SUMF1: variants seen among roughly 807,000 people sequenced by gnomAD.
SUMF1 encodes formylglycine-generating enzyme.
SUMF1 carries 48 observed loss-of-function variants against 47.6 expected under a neutral mutation model. The ratio of observed to expected loss-of-function variants is 1.01; its 90% CI spans 0.80 to 1.28. The LOEUF (loss-of-function observed/expected upper bound fraction) is 1.28, where lower values mean the gene tolerates loss of function less well. Ranked by LOEUF, SUMF1 falls within the 50% of genes most tolerant of loss-of-function variation. The pLI is 0.00. For synonymous variants in SUMF1, 230 were observed against 192.1 expected, an observed-to-expected ratio of 1.20 and a Z score of -1.63; for missense variants, 571 against 485.4, an observed-to-expected ratio of 1.18 and a Z score of -1.66.
chr3:4,354,354 T>G (rs1482188463), intron 8 of SUMF1, among the ~76,000 whole-genome samples: 1 of 152,246 alleles, frequency 6.6e-6, no homozygotes, highest in African/African-American at 2.4e-5. Flanking sequence ...CAACACAGTA[T>G]GGGCCAACAG....
rs185935924 is a variant in SUMF1 at position 4,331,316 on chromosome 3, A to T, written c.1014+45014T>A. Among the ~76,000 whole-genome samples the T allele has an allele frequency of 2.0e-5, 3 of 152,148 alleles. No homozygotes were observed. The East Asian group carries it at 5.8e-4, about 29-fold the overall frequency. On this transcript the variant is annotated intron_variant and NMD_transcript_variant, in intron 8 of 12. Coordinates refer to the SUMF1 transcript ENST00000448413. ...TCTGATAACTTTTCTTAAACCAAAA[A>T]CATGTCCTACTTCCCTTATACACTT...
intron 8 of SUMF1, among the ~76,000 whole-genome samples, chr3:4,246,406 T>G (rs896361244): frequency 6.7e-6 from 1 of 149,116 alleles, no homozygotes; most frequent in Admixed American, 6.6e-5. Flanking sequence ...TTTTGTTTGT[T>G]TTTGTTTTTG....
chr3:4,415,541 G>A (rs548041880), intron 6 of SUMF1, among the ~76,000 whole-genome samples: 19 of 152,082 alleles, frequency 1.2e-4, no homozygotes, highest in South Asian at 4.1e-4. Context: ...GGCCAGGTGC[G>A]GTGGCTCATG....
At chr3:4,268,599 C>T (rs1697245594) in intron 8 of SUMF1, among the ~76,000 whole-genome samples, 1 of 143,432 alleles carries the variant, frequency 7.0e-6, no homozygotes, top group African/African-American at 2.6e-5. Context: ...TACTCAGAAA[C>T]ATACTTCTAT....
intron 8 of SUMF1, among the ~76,000 whole-genome samples, chr3:4,219,146 AAG>A (rs1419917871): frequency 6.6e-6 from 1 of 152,178 alleles, no homozygotes; most frequent in African/African-American, 2.4e-5. Context: ...TCTCCTGAAC[AAG>A]ATTCTTGTTG....
At chr3:4,078,931 T>TGAAGAAGTCGCTGCA (rs1692497683) in intron 8 of SUMF1, among the ~76,000 whole-genome samples, 2 of 152,086 alleles carry the variant, frequency 1.3e-5, no homozygotes, top group Admixed American at 1.3e-4. Context: ...TAAAATCTCT[T>TGAAGAAGTCGCTGCA]GAAGAAGTCG....
At chr3:4,069,893 T>C (rs1447378177) in intron 8 of SUMF1, among the ~76,000 whole-genome samples, 1 of 152,190 alleles carries the variant, frequency 6.6e-6, no homozygotes, top group Non-Finnish European at 1.5e-5. Flanking sequence ...AGAATCCCCT[T>C]TCCCCTTTGT....
At chr3:4,261,629 C>T (rs577738229) in intron 8 of SUMF1, among the ~76,000 whole-genome samples, 1 of 152,278 alleles carries the variant, frequency 6.6e-6, no homozygotes, top group African/African-American at 2.4e-5. Flanking sequence ...ATATGCCTGC[C>T]GAGATCATGA....
At chr3:4,263,499 GTC>G (rs1009001428) in intron 8 of SUMF1, among the ~76,000 whole-genome samples, 4 of 152,218 alleles carry the variant, frequency 2.6e-5, no homozygotes, top group African/African-American at 9.6e-5. Context: ...GCCCCAATCT[GTC>G]TCTCTAGTTT....
chr3:4,232,033 G>T (rs1178543963), intron 8 of SUMF1, among the ~76,000 whole-genome samples: 1 of 152,170 alleles, frequency 6.6e-6, no homozygotes, highest in African/African-American at 2.4e-5. Context: ...AAACTAGTGA[G>T]TGTCTCATGT....
At position 4,278,442 on chromosome 3, in the gene SUMF1, T is replaced by C. The variant is rs145246859; in HGVS notation, c.1014+97888A>G. On this transcript the variant is annotated intron_variant and NMD_transcript_variant, in intron 8 of 12. Coordinates refer to the SUMF1 transcript ENST00000448413. ...AGGAGAAATTGTTAGAATTAACTACTGATAAAAAATTGAAGATGAATTTTG... is the reference window on the plus strand; with the variant it reads ...AGGAGAAATTGTTAGAATTAACTACCGATAAAAAATTGAAGATGAATTTTG... 4.6e-5 allele frequency among the ~76,000 whole-genome samples: 7 copies of C among 152,266 alleles called. No homozygotes were observed. The East Asian group carries it at 1.3e-3, about 29-fold the overall frequency.
intron 8 of SUMF1, among the ~76,000 whole-genome samples, chr3:4,246,075 G>T (rs1575014961): frequency 6.6e-6 from 1 of 152,206 alleles, no homozygotes; most frequent in East Asian, 1.9e-4. Flanking sequence ...CCAGGTACGG[G>T]AGGGAATCTC....
intron 8 of SUMF1, among the ~76,000 whole-genome samples, chr3:4,211,510 C>T (rs1476893173): frequency 6.6e-6 from 1 of 151,874 alleles, no homozygotes; most frequent in African/African-American, 2.4e-5. Context: ...AATAATAAAG[C>T]TTCCAGAGGA....
intron 8 of SUMF1, among the ~76,000 whole-genome samples, chr3:4,140,871 T>C (rs1036548410): frequency 1.3e-5 from 2 of 152,016 alleles, no homozygotes; most frequent in African/African-American, 2.4e-5. Flanking sequence ...TCTCAAGGAA[T>C]TGAGATTATT....
At position 4,216,844 on chromosome 3, in the gene SUMF1, C is replaced by A. The variant is rs1303869216; in HGVS notation, c.1015-148099G>T. Among the ~76,000 whole-genome samples the A allele has an allele frequency of 3.9e-5, 6 of 152,090 alleles. No homozygotes were observed. The East Asian group carries it at 7.7e-4, about 20-fold the overall frequency. On this transcript the variant is annotated intron_variant and NMD_transcript_variant, in intron 8 of 12. Transcript: ENST00000448413. Reference sequence around the variant, plus strand: ...ATCTCATGCCAGTTAGAATGGGGATCGTCAAAAAGTCAGGAAACAACAGAT... The same window carrying A: ...ATCTCATGCCAGTTAGAATGGGGATAGTCAAAAAGTCAGGAAACAACAGAT...
chr3:4,265,757 G>C (rs963124309), intron 8 of SUMF1, among the ~76,000 whole-genome samples: 2 of 152,080 alleles, frequency 1.3e-5, no homozygotes, highest in Non-Finnish European at 2.9e-5. Context: ...GTCAATTTTG[G>C]CTTTTGTTGC....
intron 8 of SUMF1, among the ~76,000 whole-genome samples, chr3:4,354,380 C>T (rs368493890): frequency 6.6e-6 from 1 of 152,288 alleles, no homozygotes; most frequent in South Asian, 2.1e-4. Context: ...CCTCCCTTTT[C>T]GTTTTTCCTT....
intron 8 of SUMF1, among the ~76,000 whole-genome samples, chr3:4,325,199 G>A (rs1380104906): frequency 6.6e-6 from 1 of 152,096 alleles, no homozygotes; most frequent in Non-Finnish European, 1.5e-5. Context: ...TAGGGACACA[G>A]CCAAACCATA....
chr3:4,313,057 G>C (rs748084550), intron 8 of SUMF1: 3 of 1,613,946 alleles, frequency 1.9e-6, no homozygotes, highest in East Asian at 2.2e-5. Flanking sequence ...TAGAGATATA[G>C]GATCTGGAGG....
Sources: allele counts gnomAD v4.1 joint callset (sites outside exome capture counted in the v4.1 genomes callset), GRCh38; gene constraint gnomAD v4.1.1; transcripts MANE v1.5; gene names NCBI Gene and HGNC (gene_info 2026-07-23, HGNC 2026-07-21).